The following ANKFY1 variants were observed in gnomAD, a reference collection of about 807,000 sequenced individuals.
ANKFY1 encodes the protein ankyrin repeat and FYVE domain-containing protein 1.
Under a neutral mutation model 128.3 loss-of-function variants are expected in ANKFY1, and 47 were observed. The observed-to-expected ratio is 0.37, with a 90% CI of 0.29 to 0.47. ANKFY1 has a LOEUF of 0.47. ANKFY1 is among the 20% of genes least tolerant of loss of function. The probability of loss-of-function intolerance (pLI) is 1.00; values close to 1 mark genes in which losing one functional copy is unlikely to be tolerated. For synonymous variants in ANKFY1, 553 were observed against 601.6 expected (o/e 0.92, Z 1.18); for missense variants, 1,222 against 1,510.6 (o/e 0.81, Z 3.17).
chr17:4,206,214 G>C (rs2060020722), intron 7 of ANKFY1, 107 bp downstream of exon 7: 1 of 1,220,604 alleles, frequency 8.2e-7, no homozygotes, highest in Middle Eastern at 2.4e-4. Context: ...TGTGAGTACA[G>C]ACTACAGAAG....
At chr17:4,168,010 G>A (rs925659709) in intron 24 of ANKFY1, 99 bp from the exon 25 acceptor site, 41 of 1,321,478 alleles carry the variant, frequency 3.1e-5, no homozygotes, top group East Asian at 7.3e-5. Flanking sequence ...CAGCCAAGGC[G>A]CCCGCAATGC....
chr17:4,222,119 G>C (rs1164095277), intron 3 of ANKFY1: 1 of 149,718 alleles, frequency 6.7e-6, no homozygotes, highest in East Asian at 1.9e-4. Context: ...GCGGCGGGCG[G>C]CCAGGCGCCG....
chr17:4,253,424 A>G (rs1345249859), intron 1 of ANKFY1, among the ~76,000 whole-genome samples: 1 of 152,196 alleles, frequency 6.6e-6, no homozygotes, highest in African/African-American at 2.4e-5. Context: ...AAATTGGTAC[A>G]TTTTATTGTT....
rs1313723009 is a variant in ANKFY1, at chr17:4,164,396, CCA to C, written c.*3381_*3382del. ...CCAGTCAGCTCTCACTAAAGTACTTCCACAGAGTGAGAAGGTGGCTCCCAAGT... is the reference window on the plus strand; with the variant it reads ...CCAGTCAGCTCTCACTAAAGTACTTCCAGAGTGAGAAGGTGGCTCCCAAGT... On this transcript the variant is annotated 3_prime_UTR_variant, in exon 25 of 25. Coordinates refer to ENST00000341657, the MANE Select transcript of ANKFY1 (RefSeq NM_001330063.2). The C allele has an allele frequency of 6.6e-6, 1 of 152,648 alleles. No homozygotes were observed. Among genetic ancestry groups the C allele is most frequent in the East Asian group, 1.9e-4 (1 of 5,198 alleles). The allele number at this position is 152,648 out of a possible 1,614,324, so 9.5% of individuals were successfully genotyped here. A position where few individuals can be genotyped will look rare whatever the true frequency, so the allele number is the denominator to read the frequency against.
At chr17:4,221,868 T>C (rs2060320058) in intron 3 of ANKFY1, among the ~76,000 whole-genome samples, 1 of 152,210 alleles carries the variant, frequency 6.6e-6, no homozygotes, top group African/African-American at 2.4e-5. Context: ...CTGCCCACTG[T>C]GGCCTCCCAA....
chr17:4,258,836 A>G (rs2143571655), intron 1 of ANKFY1, among the ~76,000 whole-genome samples: 1 of 152,278 alleles, frequency 6.6e-6, no homozygotes, highest in South Asian at 2.1e-4. Context: ...TGTTTTCCCC[A>G]TTTTGCTTGG....
chr17:4,173,417 C>T lies in ANKFY1; in HGVS notation c.2951G>A (p.Arg984Gln), dbSNP rs754269524. The change falls in exon 21 of 25, where the codon CGG (arginine) becomes CAG (glutamine). Residue 984 changes from arginine to glutamine, a missense_variant. Arg to Gln is a conservative substitution (Grantham distance 43). Transcript: ENST00000341657. Reference sequence around the variant, plus strand: ...CAGGAGAACCCGGATGTTGTTGAGCCGGCCGTGCATGACAGCAAGATGAAG... The same window carrying T: ...CAGGAGAACCCGGATGTTGTTGAGCTGGCCGTGCATGACAGCAAGATGAAG... ...NALHLAVMHG[R>Q]LNNIRVLLTE... 35 of 1,614,060 alleles carry T rather than the reference C, an allele frequency of 2.2e-5. No homozygotes were observed. The highest frequency in any genetic ancestry group is 2.6e-5 in the Non-Finnish European group (31 of 1,180,032).
chr17:4,231,432 T>TG (rs1357052675), intron 3 of ANKFY1, among the ~76,000 whole-genome samples: 1 of 151,966 alleles, frequency 6.6e-6, no homozygotes, highest in Non-Finnish European at 1.5e-5. Context: ...AAGGCTTCAG[T>TG]GAGCCGCGAT....
chr17:4,192,163 C>G (rs2059728829), intron 10 of ANKFY1, among the ~76,000 whole-genome samples: 1 of 146,914 alleles, frequency 6.8e-6, no homozygotes, highest in Admixed American at 6.7e-5. Context: ...TTGCTCTAAT[C>G]TGGAGACTCC....
At chr17:4,185,438 T>C (rs750037073) in intron 11 of ANKFY1, among the ~76,000 whole-genome samples, 9 of 152,066 alleles carry the variant, frequency 5.9e-5, no homozygotes, top group Non-Finnish European at 1.2e-4. Flanking sequence ...CTCCTGACCT[T>C]GTGATCCACC....
At chr17:4,234,183 A>C (rs2060563412) in intron 3 of ANKFY1, among the ~76,000 whole-genome samples, 1 of 152,206 alleles carries the variant, frequency 6.6e-6, no homozygotes, top group Non-Finnish European at 1.5e-5. Flanking sequence ...AGTAGGCTAT[A>C]CCATGTAGAT....
intron 3 of ANKFY1, among the ~76,000 whole-genome samples, chr17:4,230,479 G>T (rs550877717): frequency 3.1e-4 from 47 of 152,244 alleles, no homozygotes; most frequent in Middle Eastern, 3.4e-3. Context: ...GCCATAAACA[G>T]ATCATTTTGC....
At chr17:4,222,118 G>A (rs1323024651) in intron 3 of ANKFY1, 1 of 149,844 alleles carries the variant, frequency 6.7e-6, no homozygotes, top group Non-Finnish European at 1.5e-5. Flanking sequence ...TGCGGCGGGC[G>A]GCCAGGCGCC....
chr17:4,231,590 C>A (rs1373294850), intron 3 of ANKFY1, among the ~76,000 whole-genome samples: 1 of 152,122 alleles, frequency 6.6e-6, no homozygotes, highest in African/African-American at 2.4e-5. Flanking sequence ...ATTCATATAT[C>A]CAAACACCTT....
intron 11 of ANKFY1, chr17:4,186,814 G>GC (rs1233076734): frequency 1.2e-5 from 12 of 991,854 alleles, no homozygotes; most frequent in Non-Finnish European, 1.4e-5. Flanking sequence ...GCCATTATCT[G>GC]CAAGGAAGAG....
At chr17:4,261,410 G>A (rs1167957684) in intron 1 of ANKFY1, among the ~76,000 whole-genome samples, 1 of 152,204 alleles carries the variant, frequency 6.6e-6, no homozygotes, top group African/African-American at 2.4e-5. Context: ...AACCCAGGAG[G>A]TGGAGGCTGT....
chr17:4,189,762 C>T (rs928027867), intron 10 of ANKFY1, among the ~76,000 whole-genome samples: 15 of 152,208 alleles, frequency 9.9e-5, no homozygotes, highest in East Asian at 1.9e-4. Context: ...AGTAGGTCCA[C>T]GCCAGACAGT....
In ANKFY1 at chr17:4,181,598, G is replaced by A. The variant is rs2059517763; in HGVS notation, c.2122-226C>T. ...AGGTCCTGTGGGACAGACTTGGGAA[G>A]TATAAACAAGTTATGTTTAATTTGT... On this transcript the variant is annotated intron_variant, in intron 15 of 24. Coordinates refer to ENST00000341657, the MANE Select transcript of ANKFY1 (RefSeq NM_001330063.2). The surrounding 1 kb of genome is among the most constrained non-coding windows in gnomAD (Gnocchi z 4.9). 6.6e-6 allele frequency among the ~76,000 whole-genome samples: 1 copy of A among 152,224 alleles called. No homozygotes were observed. Among genetic ancestry groups the A allele is most frequent in the Non-Finnish European group, 1.5e-5 (1 of 68,040 alleles).
At chr17:4,222,414 C>T in intron 3 of ANKFY1, 1 of 796,564 alleles carries the variant, frequency 1.3e-6, no homozygotes, top group Non-Finnish European at 2.3e-6. Flanking sequence ...TGCACTTCAC[C>T]TGGCATTCGA....
Sources: allele counts gnomAD v4.1 joint callset (sites outside exome capture counted in the v4.1 genomes callset), GRCh38; gene constraint gnomAD v4.1.1; non-coding constraint Gnocchi (gnomAD v3.1); transcripts MANE v1.5; gene names NCBI Gene and HGNC (gene_info 2026-07-23, HGNC 2026-07-21).